The following RGS6 variants were observed in gnomAD, a reference collection of about 807,000 sequenced individuals.
The protein encoded by RGS6 is regulator of G protein signaling 6.
In RGS6, 30 loss-of-function variants were observed where a neutral mutation model predicts 78.5. The observed-to-expected ratio is 0.38, with a 90% confidence interval of 0.29 to 0.52. RGS6 has a LOEUF of 0.52. Ranked by LOEUF, RGS6 falls within the 20% of genes least tolerant of loss-of-function variation. The pLI, the probability that RGS6 is intolerant of heterozygous loss-of-function variation, is 0.85. For synonymous variants in RGS6, 206 were observed against 206.0 expected (o/e 1.00, Z 0.00); for missense variants, 495 against 609.7 (o/e 0.81, Z 1.98).
intron 3 of RGS6, among the ~76,000 whole-genome samples, chr14:72,383,748 A>G (rs1341464257): frequency 2.6e-5 from 4 of 152,178 alleles, no homozygotes; most frequent in Non-Finnish European, 5.9e-5. Context: ...TCTACTGGTG[A>G]AGAAAGGGCA....
chr14:71,926,639 G>A, the RGS6 span, among the ~76,000 whole-genome samples: 3 of 148,956 alleles, frequency 2.0e-5, no homozygotes, highest in Admixed American at 2.0e-4. Context: ...TACAGGACTT[G>A]TAAGAGGGTT....
intron 3 of RGS6, chr14:72,421,281 G>C (rs1479176806): frequency 1.3e-5 from 2 of 152,384 alleles, no homozygotes; most frequent in Non-Finnish European, 2.9e-5. Context: ...GAGCCATACG[G>C]AGATGAGGTG....
rs567564721 is a variant in RGS6, at chr14:72,289,998, A to G, written c.85-62097A>G. On this transcript the variant is annotated intron_variant, in intron 2 of 17. Coordinates refer to ENST00000553525, the MANE Select transcript of RGS6 (RefSeq NM_001204424.2). Reference sequence around the variant, plus strand: ...TTAAGCATGAAGAAAATTGGCATTTAAAATGTGTTTATTCTTCACTATCAA... The same window carrying G: ...TTAAGCATGAAGAAAATTGGCATTTGAAATGTGTTTATTCTTCACTATCAA... Among the ~76,000 whole-genome samples, 5 of 152,352 alleles carry G rather than the reference A, an allele frequency of 3.3e-5. No homozygotes were observed. The East Asian group carries it at 9.6e-4, about 29-fold the overall frequency.
At chr14:72,438,547 C>T (rs1031935666) in intron 3 of RGS6, among the ~76,000 whole-genome samples, 4 of 152,194 alleles carry the variant, frequency 2.6e-5, no homozygotes, top group Non-Finnish European at 5.9e-5. Context: ...GTGCACCCAA[C>T]TAGTTAAGCT....
intron 7 of RGS6, among the ~76,000 whole-genome samples, chr14:72,468,347 G>C (rs2095979377): frequency 6.7e-6 from 1 of 149,916 alleles, no homozygotes; most frequent in Non-Finnish European, 1.5e-5. Flanking sequence ...CTGCACTCCA[G>C]CCTGGGCAAC....
intron 2 of RGS6, among the ~76,000 whole-genome samples, chr14:72,145,854 G>A (rs1476058556): frequency 6.6e-6 from 1 of 152,132 alleles, no homozygotes; most frequent in African/African-American, 2.4e-5. Flanking sequence ...TATAGTAGAG[G>A]AATCTCATCT....
intron 1 of RGS6, among the ~76,000 whole-genome samples, chr14:71,951,913 CA>C (rs1455295536): frequency 6.6e-6 from 1 of 151,964 alleles, no homozygotes; most frequent in Non-Finnish European, 1.5e-5. Flanking sequence ...TGCTGATATA[CA>C]AAAAATACAA....
intron 2 of RGS6, among the ~76,000 whole-genome samples, chr14:72,323,288 T>A (rs1403750143): frequency 1.3e-5 from 2 of 151,862 alleles, no homozygotes; most frequent in African/African-American, 2.4e-5. Flanking sequence ...TAAGAATAAA[T>A]TTAACAAGAA....
chr14:72,386,251 T>TG (rs922257939), intron 3 of RGS6, among the ~76,000 whole-genome samples: 8 of 152,020 alleles, frequency 5.3e-5, no homozygotes, highest in Non-Finnish European at 1.0e-4. Flanking sequence ...AAATACTATT[T>TG]GGGGGGCCGG....
At chr14:72,404,208 C>T (rs1024446333) in intron 3 of RGS6, among the ~76,000 whole-genome samples, 4 of 151,766 alleles carry the variant, frequency 2.6e-5, no homozygotes, top group South Asian at 2.1e-4. Context: ...AGGTCAAAGT[C>T]GTGGTTATGA....
chr14:72,627,167 T>C, the RGS6 span, among the ~76,000 whole-genome samples: 3 of 152,112 alleles, frequency 2.0e-5, no homozygotes, highest in Non-Finnish European at 4.4e-5. Flanking sequence ...TAGTCAGATA[T>C]ACCAACATTT....
intron 3 of RGS6, among the ~76,000 whole-genome samples, chr14:72,398,995 G>T (rs545441462): frequency 2.0e-5 from 3 of 151,906 alleles, no homozygotes; most frequent in Non-Finnish European, 4.4e-5. Context: ...TTTGGAATAG[G>T]TGTGGTGTGG....
chr14:72,113,719 C>A (rs1417985614), intron 2 of RGS6, among the ~76,000 whole-genome samples: 1 of 152,194 alleles, frequency 6.6e-6, no homozygotes, highest in Non-Finnish European at 1.5e-5. Context: ...GCCTGTCACT[C>A]TCCTTGGACG....
intron 2 of RGS6, among the ~76,000 whole-genome samples, chr14:72,281,186 T>A (rs2061520697): frequency 6.7e-6 from 1 of 148,294 alleles, no homozygotes; most frequent in African/African-American, 2.5e-5. Flanking sequence ...TCTCGCTCTG[T>A]CATCCAGGCT....
In RGS6 at chr14:72,406,348, C is replaced by T. The variant is rs186014765; in HGVS notation, c.185-48180C>T. Among the ~76,000 whole-genome samples, 89 of 152,066 alleles carry T rather than the reference C, an allele frequency of 5.9e-4. 3 individuals are homozygous for T. The East Asian group carries it at 0.016, about 27-fold the overall frequency. On this transcript the variant is annotated intron_variant, in intron 3 of 17. Coordinates refer to ENST00000553525, the MANE Select transcript of RGS6 (RefSeq NM_001204424.2). ...GCAGTGAGATGAGATCGTGCCACTG[C>T]ACTGCAGCCTGGTGACAGAGTGAGA... is the stretch of plus-strand genomic sequence containing the variant.
chr14:72,378,370 A>G (rs1186486281), intron 3 of RGS6, among the ~76,000 whole-genome samples: 2 of 152,146 alleles, frequency 1.3e-5, no homozygotes, highest in Admixed American at 6.5e-5. Context: ...AGAAATGAAC[A>G]ATATTGAAAC....
intron 2 of RGS6, among the ~76,000 whole-genome samples, chr14:72,084,229 G>C (rs148579173): frequency 1.3e-5 from 2 of 152,256 alleles, no homozygotes; most frequent in East Asian, 3.9e-4. Flanking sequence ...TAGATCCCTT[G>C]CATGTGCAGT....
intron 15 of RGS6, among the ~76,000 whole-genome samples, chr14:72,534,981 T>A (rs2097229419): frequency 6.6e-6 from 1 of 152,182 alleles, no homozygotes; most frequent in African/African-American, 2.4e-5. Flanking sequence ...CCCTCCCCAG[T>A]GAAGGCCAAC....
At chr14:72,045,975 C>T (rs572231614) in intron 2 of RGS6, among the ~76,000 whole-genome samples, 19 of 152,170 alleles carry the variant, frequency 1.2e-4, no homozygotes, top group Non-Finnish European at 2.4e-4. Flanking sequence ...TGGTAGGCTG[C>T]GTGTGGAGGT....
Sources: allele counts gnomAD v4.1 joint callset (sites outside exome capture counted in the v4.1 genomes callset), GRCh38; gene constraint gnomAD v4.1.1; transcripts MANE v1.5; gene names NCBI Gene and HGNC (gene_info 2026-07-23, HGNC 2026-07-21).